XRN2: variants seen among roughly 807,000 people sequenced by gnomAD.
The protein encoded by XRN2 is 5'-3' exoribonuclease 2.
In XRN2, 44 loss-of-function variants were observed where a neutral mutation model predicts 138.5. The observed-to-expected ratio is 0.32, with a 90% CI of 0.25 to 0.41. The LOEUF (loss-of-function observed/expected upper bound fraction) is 0.41. Among genes scored for constraint, XRN2 ranks in the 10% least tolerant of loss-of-function variants. The pLI is 1.00. For missense variants in XRN2, 937 were observed against 1,169.3 expected (o/e 0.80, Z 2.90); for synonymous variants, 354 against 369.4 (o/e 0.96, Z 0.48).
At chr20:21,354,085 A>T (rs1016754537) in intron 20 of XRN2, among the ~76,000 whole-genome samples, 39 of 152,150 alleles carry the variant, frequency 2.6e-4, no homozygotes, top group African/African-American at 8.7e-4. Context: ...TATTTTTCTT[A>T]TAGCATTGTA....
At chr20:21,379,340 C>G (rs749142882) in intron 27 of XRN2, among the ~76,000 whole-genome samples, 1 of 152,164 alleles carries the variant, frequency 6.6e-6, no homozygotes. Flanking sequence ...CATTACAGAT[C>G]AGCCAGGAAA....
At chr20:21,382,975 T>A (rs1185268332) in intron 28 of XRN2, among the ~76,000 whole-genome samples, 1 of 152,224 alleles carries the variant, frequency 6.6e-6, no homozygotes, top group Non-Finnish European at 1.5e-5. Context: ...ATGTTTACAG[T>A]CTCTAATCTG....
chr20:21,332,367 C>A lies in XRN2; in HGVS notation c.785C>A (p.Pro262Gln), dbSNP rs752598717. 6.2e-7 allele frequency: 1 copy of A among 1,613,612 alleles called. No homozygotes were observed. The highest frequency in any genetic ancestry group is 2.2e-5 in the East Asian group (1 of 44,852). Residue 262 changes from proline (P) to glutamine (Q), a missense_variant, in exon 9 of 30, where the codon CCA (proline) becomes CAA (glutamine). Pro to Gln is a moderately conservative substitution (Grantham distance 76). Around this residue, in one of 6 missense-constraint regions of XRN2, gnomAD observed 471 missense variants for 581.2 expected, o/e 0.81. Coordinates refer to ENST00000377191, the MANE Select transcript of XRN2 (RefSeq NM_012255.5). Reference protein sequence around the residue: ...REEFKPNKPKPCGLCNQFGHE... With the variant: ...REEFKPNKPKQCGLCNQFGHE... ...GAATTCAAACCAAACAAGCCCAAAC[C>A]ATGTGGTCTTTGTAATCAGTTTGGA...
At chr20:21,388,521 GT>G (rs2038957935) in intron 29 of XRN2, among the ~76,000 whole-genome samples, 1 of 152,130 alleles carries the variant, frequency 6.6e-6, no homozygotes, top group South Asian at 2.1e-4. Flanking sequence ...TTTTAGTAAA[GT>G]TTTATATGAC....
chr20:21,330,837 C>A, intron 6 of XRN2, 132 bp downstream of exon 6: 1 of 891,210 alleles, frequency 1.1e-6, no homozygotes, highest in Non-Finnish European at 1.6e-6. Flanking sequence ...GAAAGAAAAG[C>A]TTCCAGGGTT....
intron 27 of XRN2, among the ~76,000 whole-genome samples, chr20:21,376,353 T>C (rs543048348): frequency 6.6e-6 from 1 of 152,306 alleles, no homozygotes; most frequent in African/African-American, 2.4e-5. Flanking sequence ...ACCCTGTCTC[T>C]TTAACATAAA....
chr20:21,344,739 T>C (rs974177693), intron 16 of XRN2, among the ~76,000 whole-genome samples: 1 of 151,878 alleles, frequency 6.6e-6, no homozygotes, highest in Admixed American at 6.6e-5. Context: ...GACAGAGGAG[T>C]TTCCCTTTAA....
chr20:21,357,884 C>A, intron 24 of XRN2, 92 bp downstream of exon 24: 3 of 1,101,174 alleles, frequency 2.7e-6, no homozygotes, highest in Non-Finnish European at 3.9e-6. Context: ...AAGGAAATGG[C>A]AGCTGTTAAT....
chr20:21,349,381 T>C lies in XRN2; in HGVS notation c.1864-8T>C. On this transcript the variant is annotated splice_region_variant and splice_polypyrimidine_tract_variant and intron_variant, in intron 19 of 29. Transcript: ENST00000377191. ...TGTTTTGATTCTTTACTTTTCTCCC[T>C]AATATAGGATTCTAGTATAATTGAC... is the stretch of plus-strand genomic sequence containing the variant. 6.5e-7 allele frequency: 1 copy of C among 1,549,170 alleles called. No homozygotes were observed. Among genetic ancestry groups the C allele is most frequent in the Non-Finnish European group, 8.9e-7 (1 of 1,123,254 alleles).
intron 1 of XRN2, among the ~76,000 whole-genome samples, chr20:21,319,882 C>T (rs1258399306): frequency 6.6e-6 from 1 of 152,122 alleles, no homozygotes; most frequent in Non-Finnish European, 1.5e-5. Context: ...ATATTACATT[C>T]TGCCTTATAA....
At position 21,368,597 on chromosome 20, in the gene XRN2, T is replaced by C. The variant is rs891493344; in HGVS notation, c.2584+7T>C. On this transcript the variant is annotated splice_region_variant and intron_variant, in intron 27 of 29. Transcript: ENST00000377191. ...ATTCCAAAACTTATGTCAAGTAAGC[T>C]TTTACAAATCGGTTATTTTACATTA... 7.5e-6 allele frequency: 12 copies of C among 1,610,250 alleles called. No individual in the cohort carries two copies. The Middle Eastern group carries it at 4.9e-4, about 66-fold the overall frequency.
intron 19 of XRN2, among the ~76,000 whole-genome samples, chr20:21,349,099 A>G (rs1051830976): frequency 2.0e-5 from 3 of 152,200 alleles, no homozygotes; most frequent in Admixed American, 1.3e-4. Context: ...CCAGCCGGGA[A>G]GTAGGAAATG....
chr20:21,322,603 G>T (rs951232216), intron 1 of XRN2, among the ~76,000 whole-genome samples: 1 of 152,124 alleles, frequency 6.6e-6, no homozygotes, highest in Non-Finnish European at 1.5e-5. Flanking sequence ...AGCTATTGGT[G>T]GTGGTTTCTC....
chr20:21,346,457 A>G lies in XRN2; in HGVS notation c.1572A>G (p.Lys524=). The G allele has an allele frequency of 6.2e-7, 1 of 1,614,146 alleles. No homozygotes were observed. The highest frequency in any genetic ancestry group is 8.5e-7 in the Non-Finnish European group (1 of 1,180,004). ...AGWKQRYYKN[K]FDVDAADEKF... is the part of the protein sequence containing the mutation. ...GGAAGCAGCGGTACTACAAGAACAA[A>G]TTTGATGTGGATGCAGCTGATGAGA... Residue 524 remains lysine, a synonymous_variant, in exon 17 of 30, where the codon AAA becomes AAG. Coordinates refer to ENST00000377191, the MANE Select transcript of XRN2 (RefSeq NM_012255.5).
At chr20:21,343,483 A>G (rs1432998514) in intron 15 of XRN2, among the ~76,000 whole-genome samples, 1 of 151,868 alleles carries the variant, frequency 6.6e-6, no homozygotes, top group Non-Finnish European at 1.5e-5. Context: ...CTGAACATAT[A>G]AAGTAATTTA....
At chr20:21,387,891 A>G (rs2038951868) in intron 29 of XRN2, among the ~76,000 whole-genome samples, 1 of 152,220 alleles carries the variant, frequency 6.6e-6, no homozygotes, top group African/African-American at 2.4e-5. Context: ...TTTTTGATGT[A>G]TTCTTACAAG....
rs1470399547 is a variant in XRN2, at chr20:21,303,857, G to C, written c.75+384G>C. Reference sequence around the variant, plus strand: ...GAGCAATGCATGCCAGGTCAGCTGAGCTAGCGGGTTATGGATGCACGGATT... The same window carrying C: ...GAGCAATGCATGCCAGGTCAGCTGACCTAGCGGGTTATGGATGCACGGATT... On this transcript the variant is annotated intron_variant, in intron 1 of 29. Transcript: ENST00000377191. 4.1e-6 allele frequency: 4 copies of C among 985,292 alleles called. No individual in the cohort carries two copies. The South Asian group carries it at 1.4e-4, about 35-fold the overall frequency. 61.0% of individuals were successfully genotyped at this position (985,292 alleles called of 1,614,324 possible).
intron 29 of XRN2, among the ~76,000 whole-genome samples, chr20:21,387,258 A>G (rs1826945322): frequency 6.6e-6 from 1 of 152,202 alleles, no homozygotes; most frequent in African/African-American, 2.4e-5. Context: ...AGTCAGTGAT[A>G]ATTAGTCCAA....
chr20:21,368,420 A>C (rs370624852), intron 26 of XRN2, 43 bp from the exon 27 acceptor site: 267 of 1,610,576 alleles, frequency 1.7e-4, no homozygotes, highest in Non-Finnish European at 5.1e-5. Flanking sequence ...TGATGGGTAT[A>C]TCACTATACA....
Sources: allele counts gnomAD v4.1 joint callset (sites outside exome capture counted in the v4.1 genomes callset), GRCh38; gene constraint gnomAD v4.1.1; regional missense constraint gnomAD v4.1.1; transcripts MANE v1.5; gene names NCBI Gene and HGNC (gene_info 2026-07-23, HGNC 2026-07-21).